The following GRM1 variants were observed in gnomAD, a reference collection of about 807,000 sequenced individuals.
GRM1 encodes the protein metabotropic glutamate receptor 1.
Under a neutral mutation model 90.9 loss-of-function variants are expected in GRM1, and 33 were observed. That is an observed-to-expected ratio of 0.36 (90% CI 0.28 to 0.49). GRM1 has a LOEUF of 0.49. Ranked by LOEUF, GRM1 falls within the 20% of genes least tolerant of loss-of-function variation. The pLI is 0.99. For synonymous variants in GRM1, 700 were observed against 613.2 expected, an observed-to-expected ratio of 1.14 and a Z score of -2.09; for missense variants, 1,190 against 1,534.3, an observed-to-expected ratio of 0.78 and a Z score of 3.75.
intron 7 of GRM1, among the ~76,000 whole-genome samples, chr6:146,421,635 T>A (rs1004202106): frequency 6.6e-6 from 1 of 152,148 alleles, no homozygotes; most frequent in Admixed American, 6.5e-5. Context: ...TTAATATTTG[T>A]CAAATCTATG....
At chr6:146,046,022 T>G (rs911993371) in intron 1 of GRM1, among the ~76,000 whole-genome samples, 1 of 151,918 alleles carries the variant, frequency 6.6e-6, no homozygotes, top group South Asian at 2.1e-4. Context: ...TGATCTCACG[T>G]CCTCTGAGAA....
intron 1 of GRM1, among the ~76,000 whole-genome samples, chr6:146,077,881 G>C (rs935744721): frequency 6.6e-6 from 1 of 152,160 alleles, no homozygotes; most frequent in Non-Finnish European, 1.5e-5. Flanking sequence ...GCAACTCAAT[G>C]CTGGCTCTGC....
chr6:146,104,649 T>G (rs1468000601), intron 1 of GRM1, among the ~76,000 whole-genome samples: 3 of 152,108 alleles, frequency 2.0e-5, no homozygotes, highest in Non-Finnish European at 4.4e-5. Flanking sequence ...AAGGCAAAGG[T>G]CAACACTGTT....
intron 3 of GRM1, among the ~76,000 whole-genome samples, chr6:146,334,921 C>T (rs1373206636): frequency 1.3e-5 from 2 of 152,090 alleles, no homozygotes; most frequent in Non-Finnish European, 1.5e-5. Context: ...GATGAGACTT[C>T]GTACTCATGT....
At chr6:146,256,057 G>A (rs1475469404) in intron 2 of GRM1, among the ~76,000 whole-genome samples, 2 of 152,084 alleles carry the variant, frequency 1.3e-5, no homozygotes, top group African/African-American at 4.8e-5. Context: ...TGGTAGAGGG[G>A]CGAGATACAC....
At chr6:146,317,336 A>T (rs1784011894) in intron 3 of GRM1, among the ~76,000 whole-genome samples, 1 of 152,230 alleles carries the variant, frequency 6.6e-6, no homozygotes, top group African/African-American at 2.4e-5. Flanking sequence ...ATGTAAGCTC[A>T]GTTGATAAAA....
chr6:146,358,996 G>A (rs1775348750), intron 5 of GRM1, among the ~76,000 whole-genome samples: 1 of 152,186 alleles, frequency 6.6e-6, no homozygotes, highest in African/African-American at 2.4e-5. Flanking sequence ...GAGGCCTCAT[G>A]CCATGGCTAT....
At chr6:146,113,180 A>G (rs553232991) in intron 1 of GRM1, among the ~76,000 whole-genome samples, 9 of 152,278 alleles carry the variant, frequency 5.9e-5, no homozygotes, top group African/African-American at 1.9e-4. Flanking sequence ...GCAATGGAAA[A>G]TTCCTGGGGG....
At position 146,434,617 on chromosome 6, in the gene GRM1, A is replaced by G; in HGVS notation, c.3406A>G (p.Lys1136Glu). The change falls in exon 8 of 8, where the codon AAA (lysine) becomes GAA (glutamate). Residue 1136 changes from lysine to glutamate, a missense_variant. Coordinates refer to ENST00000282753, the MANE Select transcript of GRM1 (RefSeq NM_001278064.2). ...EEEEDLQAAS[K>E]LTPDDSPALT... ...GGAGGAGGACCTGCAGGCGGCCAGC[A>G]AACTGACCCCGGATGATTCGCCTGC... 1 of 1,612,922 alleles carries G rather than the reference A, an allele frequency of 6.2e-7. No individual in the cohort carries two copies. Among genetic ancestry groups the G allele is most frequent in the South Asian group, 1.1e-5 (1 of 91,088 alleles).
chr6:146,336,960 C>T (rs180712311), intron 3 of GRM1, among the ~76,000 whole-genome samples: 76 of 152,362 alleles, frequency 5.0e-4, no homozygotes, highest in African/African-American at 1.8e-3. Flanking sequence ...GTCTGCATGA[C>T]TCTTCCTTTA....
rs1409260579 is a variant in GRM1 at position 146,029,763 on chromosome 6, G to A, written c.246G>A (p.Met82Ile). 1 of 1,614,094 alleles carries A rather than the reference G, an allele frequency of 6.2e-7. No homozygotes were observed. Among genetic ancestry groups the A allele is most frequent in the Non-Finnish European group, 8.5e-7 (1 of 1,179,980 alleles). ...ATGGCATCCAGAGGGTGGAGGCCAT[G>A]TTCCACACGTTGGATAAGATCAACG... is the stretch of plus-strand genomic sequence containing the variant. ...EQYGIQRVEA[M>I]FHTLDKINAD... is the part of the protein sequence containing the mutation. The change falls in exon 1 of 8, where the codon ATG (methionine) becomes ATA (isoleucine). Residue 82 changes from methionine to isoleucine, a missense_variant. Met to Ile is a conservative substitution (Grantham distance 10, BLOSUM62 1). Around this residue, in one of 10 missense-constraint regions of GRM1, gnomAD observed 91 missense variants for 95.6 expected, o/e 0.95. Coordinates refer to ENST00000282753, the MANE Select transcript of GRM1 (RefSeq NM_001278064.2).
chr6:146,434,490 C>A lies in GRM1; in HGVS notation c.3279C>A (p.Pro1093=). 1 of 1,614,088 alleles carries A rather than the reference C, an allele frequency of 6.2e-7. No individual in the cohort carries two copies. The highest frequency in any genetic ancestry group is 8.5e-7 in the Non-Finnish European group (1 of 1,180,022). The change falls in exon 8 of 8, where the codon CCC becomes CCA. Residue 1093 remains proline (P), a synonymous_variant. Coordinates refer to ENST00000282753, the MANE Select transcript of GRM1 (RefSeq NM_001278064.2). ...TTGGGGAGGAGCTGGTCTCCCCGCC[C>A]GCGGACGACGACGACGACAGCGAGA... The part of the protein sequence containing the change: ...STFGEELVSP[P]ADDDDDSERF...
chr6:146,111,894 CAT>C (rs1300231071), intron 1 of GRM1, among the ~76,000 whole-genome samples: 1 of 152,182 alleles, frequency 6.6e-6, no homozygotes, highest in Non-Finnish European at 1.5e-5. Flanking sequence ...AACTGTTTAA[CAT>C]ATTTTTATTC....
intron 1 of GRM1, among the ~76,000 whole-genome samples, chr6:146,127,951 T>A (rs1299907146): frequency 6.6e-6 from 1 of 152,140 alleles, no homozygotes; most frequent in Non-Finnish European, 1.5e-5. Context: ...GATGGAATCA[T>A]CATCATTTGC....
chr6:146,033,159 T>G (rs1291386991), intron 1 of GRM1, among the ~76,000 whole-genome samples: 1 of 152,134 alleles, frequency 6.6e-6, no homozygotes, highest in East Asian at 1.9e-4. Flanking sequence ...GAGGCAAATG[T>G]TAAGATGAGC....
intron 1 of GRM1, among the ~76,000 whole-genome samples, chr6:146,037,370 A>G (rs976363940): frequency 1.3e-5 from 2 of 152,018 alleles, no homozygotes; most frequent in Non-Finnish European, 2.9e-5. Flanking sequence ...TGAGAAAACA[A>G]AAGCCCAGAA....
At chr6:146,052,562 C>T (rs911697192) in intron 1 of GRM1, among the ~76,000 whole-genome samples, 1 of 151,948 alleles carries the variant, frequency 6.6e-6, no homozygotes, top group Admixed American at 6.6e-5. Flanking sequence ...CTGGTATCAC[C>T]TATCCCATCC....
chr6:146,307,848 T>C (rs1373187601), intron 3 of GRM1, among the ~76,000 whole-genome samples: 1 of 152,198 alleles, frequency 6.6e-6, no homozygotes, highest in Non-Finnish European at 1.5e-5. Context: ...ATTGCCAGTT[T>C]GAATATTAAA....
chr6:146,033,017 CTT>C (rs1790762083), intron 1 of GRM1, among the ~76,000 whole-genome samples: 1 of 151,864 alleles, frequency 6.6e-6, no homozygotes, highest in African/African-American at 2.4e-5. Flanking sequence ...TCTTTTCAAT[CTT>C]ATATCATATT....
Sources: gnomAD v4.1 joint callset for allele counts (sites outside exome capture counted in the v4.1 genomes callset) on GRCh38, gnomAD v4.1.1 for gene constraint, gnomAD v4.1.1 regional missense constraint, MANE v1.5 for transcripts, NCBI Gene and HGNC (gene_info 2026-07-23, HGNC 2026-07-21) for gene names.